Variants in TNC observed in about 807,000 individuals in gnomAD.
TNC encodes tenascin.
Under a neutral mutation model 202.4 loss-of-function variants are expected in TNC, and 109 were observed. That is an observed-to-expected ratio of 0.54 (90% CI 0.46 to 0.63). The LOEUF (loss-of-function observed/expected upper bound fraction) is 0.63. TNC is among the 30% of genes least tolerant of loss of function. The pLI, the probability that TNC is intolerant of heterozygous loss-of-function variation, is 0.00. For missense variants in TNC, 2,756 were observed against 2,833.3 expected (o/e 0.97, Z 0.62); for synonymous variants, 1,007 against 1,089.7 (o/e 0.92, Z 1.50).
At chr9:115,082,668 G>T in intron 5 of TNC, 24 bp downstream of exon 5, 1 of 1,504,912 alleles carries the variant, frequency 6.6e-7, no homozygotes, top group Non-Finnish European at 9.2e-7. Context: ...AGATCAAATG[G>T]ATCTGCTCTT....
intron 1 of TNC, among the ~76,000 whole-genome samples, chr9:115,114,801 A>G: frequency 6.6e-6 from 1 of 152,234 alleles, no homozygotes; most frequent in East Asian, 1.9e-4. Flanking sequence ...AAGACCTCAG[A>G]TGAGTCACCT....
At chr9:115,022,738 C>T (rs957883278) in intron 27 of TNC, among the ~76,000 whole-genome samples, 2 of 152,150 alleles carry the variant, frequency 1.3e-5, no homozygotes, top group Non-Finnish European at 2.9e-5. Flanking sequence ...ACTCTTGCCT[C>T]CTCTGTAAAA....
chr9:115,113,011 T>C (rs531978468), intron 1 of TNC, among the ~76,000 whole-genome samples: 25 of 152,342 alleles, frequency 1.6e-4, no homozygotes, highest in African/African-American at 5.5e-4. Flanking sequence ...TTTGCCCTCA[T>C]GTAGCTTAAA....
chr9:115,082,066 G>T (rs1834347995), intron 5 of TNC, 138 bp from the exon 6 acceptor site: 6 of 762,520 alleles, frequency 7.9e-6, no homozygotes, highest in Non-Finnish European at 1.0e-5. Flanking sequence ...CATCAGATCA[G>T]TATGTAAGCT....
rs765099381 is a variant in TNC at position 115,041,000 on chromosome 9, C to A, written c.5333G>T (p.Ser1778Ile). The stretch of plus-strand genomic sequence containing the variant: ...CTCAAAGCCCTTCATGGCGATGATG[C>A]TGACAAGGTACTCCACGCCAGGTAT... ...KLIPGVEYLVSIIAMKGFEES... is the reference protein window; with the variant it reads ...KLIPGVEYLVIIIAMKGFEES... The change falls in exon 19 of 28, where the codon AGC (serine) becomes ATC (isoleucine). Residue 1778 changes from serine (S) to isoleucine (I), a missense_variant. By Grantham distance (142) the Ser-to-Ile change is moderately radical. Coordinates refer to ENST00000350763, the MANE Select transcript of TNC (RefSeq NM_002160.4). The A allele has an allele frequency of 6.2e-7, 1 of 1,614,120 alleles. No individual in the cohort carries two copies. Among genetic ancestry groups the A allele is most frequent in the South Asian group, 1.1e-5 (1 of 91,076 alleles).
chr9:115,092,095 A>G (rs191429457), intron 1 of TNC, among the ~76,000 whole-genome samples: 1 of 152,366 alleles, frequency 6.6e-6, no homozygotes, highest in East Asian at 1.9e-4. Context: ...TCATCCATCC[A>G]GTACTTAAGG....
chr9:115,020,649 T>C lies in TNC; in HGVS notation c.*508A>G, dbSNP rs1828999105. On this transcript the variant is annotated 3_prime_UTR_variant, in exon 28 of 28. Coordinates refer to ENST00000350763, the MANE Select transcript of TNC (RefSeq NM_002160.4). ...TAGTTTTCATCATCATCATCATCAT[T>C]ATTATATTAATAATATTAATCATAT... The C allele has an allele frequency of 8.3e-6, 3 of 362,966 alleles. No homozygotes were observed. The highest frequency in any genetic ancestry group is 1.6e-5 in the Non-Finnish European group (3 of 184,532). The allele number at this position is 362,966 out of a possible 1,614,324, so 22.5% of individuals were successfully genotyped here.
Position 115,046,472 on chromosome 9 carries a change from A to G in TNC, c.5063T>C (p.Ile1688Thr), listed in dbSNP as rs200050167. 3 of 1,614,062 alleles carry G rather than the reference A, an allele frequency of 1.9e-6. No individual in the cohort carries two copies. Among genetic ancestry groups the G allele is most frequent in the Non-Finnish European group, 1.7e-6 (2 of 1,179,976 alleles). ...TCCTTTGCTTATTCCATAGAGTTCA[A>G]TTTCGTATTCAGTAGCCTCTCTGAG... ...TGLREATEYE[I>T]ELYGISKGRR... Residue 1688 changes from isoleucine to threonine, a missense_variant, in exon 17 of 28, where the codon ATT becomes ACT. This residue lies in a region of TNC where 2,559 missense variants were observed against 2,546.0 expected (regional missense o/e 1.01). Coordinates refer to ENST00000350763, the MANE Select transcript of TNC (RefSeq NM_002160.4).
intron 10 of TNC, among the ~76,000 whole-genome samples, chr9:115,072,684 C>T (rs1833551928): frequency 6.6e-6 from 1 of 152,152 alleles, no homozygotes; most frequent in Non-Finnish European, 1.5e-5. Context: ...AATGAGTCCA[C>T]ATAACAATGC....
At position 115,086,865 on chromosome 9, in the gene TNC, T is replaced by C. The variant is rs1222614937; in HGVS notation, c.866A>G (p.Tyr289Cys). 56 of 1,614,078 alleles carry C rather than the reference T, an allele frequency of 3.5e-5. No individual in the cohort carries two copies. The highest frequency in any genetic ancestry group is 4.6e-5 in the Non-Finnish European group (54 of 1,180,036). Residue 289 changes from tyrosine (Y) to cysteine (C), a missense_variant, in exon 3 of 28, where the codon TAC (tyrosine) becomes TGC (cysteine). Tyr to Cys is a radical substitution (Grantham distance 194, BLOSUM62 -2). Coordinates refer to ENST00000350763, the MANE Select transcript of TNC (RefSeq NM_002160.4). ...ATTCTCCACGCATCGTCCACGGTTGTAGCAATTGTTGAGACACAGAGGCTT... is the reference window on the plus strand; with the variant it reads ...ATTCTCCACGCATCGTCCACGGTTGCAGCAATTGTTGAGACACAGAGGCTT... ...CNKPLCLNNC[Y>C]NRGRCVENEC...
chr9:115,108,654 A>G (rs1316436755), intron 1 of TNC, among the ~76,000 whole-genome samples: 1 of 152,208 alleles, frequency 6.6e-6, no homozygotes, highest in Non-Finnish European at 1.5e-5. Flanking sequence ...TCCCCCTGCT[A>G]TGGTCTGAAT....
intron 12 of TNC, 100 bp from the exon 13 acceptor site, chr9:115,063,289 G>T: frequency 1.5e-6 from 2 of 1,297,590 alleles, no homozygotes; most frequent in South Asian, 1.4e-5. Context: ...TGAGTTGTCT[G>T]GTTAGTGTTG....
chr9:115,031,723 C>A (rs1342136099), intron 22 of TNC, 38 bp from the exon 23 acceptor site: 1 of 1,595,198 alleles, frequency 6.3e-7, no homozygotes, highest in East Asian at 2.3e-5. Flanking sequence ...CTTTTGGTCA[C>A]AGAAATTCTC....
Position 115,080,682 on chromosome 9 carries a change from G to A in TNC, c.2404+1090C>T, listed in dbSNP as rs551936593. ...TCCTAGCACTTTAGGAGGCCGAGGC[G>A]GGTGGATCACTTGAGGTCAGGAGTT... On this transcript the variant is annotated intron_variant, in intron 6 of 27. Coordinates refer to ENST00000350763, the MANE Select transcript of TNC (RefSeq NM_002160.4). Among the ~76,000 whole-genome samples, 6 of 152,132 alleles carry A rather than the reference G, an allele frequency of 3.9e-5. No homozygotes were observed. In the East Asian group the frequency reaches 5.8e-4, roughly 15 times the overall value.
chr9:115,107,567 C>T (rs1836714170), intron 1 of TNC, among the ~76,000 whole-genome samples: 1 of 152,110 alleles, frequency 6.6e-6, no homozygotes, highest in Admixed American at 6.6e-5. Context: ...GTCATGACAA[C>T]CTGGTGAGTT....
At chr9:115,116,732 G>A (rs1837496270) in intron 1 of TNC, among the ~76,000 whole-genome samples, 1 of 152,072 alleles carries the variant, frequency 6.6e-6, no homozygotes, top group South Asian at 2.1e-4. Flanking sequence ...CTGACATTCT[G>A]GAATCAAAAT....
intron 26 of TNC, among the ~76,000 whole-genome samples, chr9:115,025,938 G>A (rs1286612889): frequency 6.6e-6 from 1 of 152,208 alleles, no homozygotes; most frequent in Non-Finnish European, 1.5e-5. Context: ...CTATTTATGA[G>A]GATGCAGGCT....
chr9:115,101,899 AGAAGTTGACATAATAATAATAATCAG>A (rs2134052317), intron 1 of TNC, among the ~76,000 whole-genome samples: 1 of 152,346 alleles, frequency 6.6e-6, no homozygotes, highest in South Asian at 2.1e-4. Flanking sequence ...AAGATCATTA[AGAAGTTGACATAATAATAATAATCAG>A]GAAGTTGACA....
At chr9:115,030,818 C>T (rs1829889242) in intron 23 of TNC, among the ~76,000 whole-genome samples, 1 of 152,202 alleles carries the variant, frequency 6.6e-6, no homozygotes, top group Admixed American at 6.5e-5. Flanking sequence ...CAAAGGCCAG[C>T]TCCTCTGGTC....
Sources: allele counts gnomAD v4.1 joint callset (sites outside exome capture counted in the v4.1 genomes callset), GRCh38; gene constraint gnomAD v4.1.1; regional missense constraint gnomAD v4.1.1; transcripts MANE v1.5; gene names NCBI Gene and HGNC (gene_info 2026-07-23, HGNC 2026-07-21).